The following TNKS2 variants were observed in gnomAD, a reference collection of about 807,000 sequenced individuals.
The protein encoded by TNKS2 is poly [ADP-ribose] polymerase tankyrase-2.
TNKS2 carries 72 observed loss-of-function variants against 137.6 expected under a neutral mutation model. That is an observed-to-expected ratio of 0.52 (90% CI 0.43 to 0.64). The LOEUF (loss-of-function observed/expected upper bound fraction) is 0.64. TNKS2 is among the 30% of genes least tolerant of loss of function. The pLI, the probability that TNKS2 is intolerant of heterozygous loss-of-function variation, is 0.00. For synonymous variants in TNKS2, 516 were observed against 512.1 expected (o/e 1.01, Z -0.10); for missense variants, 1,049 against 1,410.2 (o/e 0.74, Z 4.10).
At chr10:91,807,302 T>G (rs1328349937) in intron 1 of TNKS2, 68 of 1,613,748 alleles carry the variant, frequency 4.2e-5, no homozygotes, top group Non-Finnish European at 8.5e-6. Flanking sequence ...CCAAACAAAC[T>G]AAATCATCTG....
chr10:91,806,906 A>G (rs1165897492), intron 1 of TNKS2, among the ~76,000 whole-genome samples: 1 of 152,212 alleles, frequency 6.6e-6, no homozygotes, highest in Non-Finnish European at 1.5e-5. Context: ...CAGAGAAACA[A>G]TTACATGTTT....
At position 91,848,457 on chromosome 10, in the gene TNKS2, G is replaced by A. The variant is rs1328436588; in HGVS notation, c.2433G>A (p.Val811=). Reference sequence around the variant, plus strand: ...TGCCCTCTTGTTACAAGCCTCAAGTGCTCAATGGTGTGAGAAGCCCAGGAG... The same window carrying A: ...TGCCCTCTTGTTACAAGCCTCAAGTACTCAATGGTGTGAGAAGCCCAGGAG... The part of the protein sequence containing the change: ...SALPSCYKPQ[V]LNGVRSPGAT... The change falls in exon 19 of 27, where the codon GTG becomes GTA. Residue 811 remains valine, a synonymous_variant. Coordinates refer to ENST00000371627, the MANE Select transcript of TNKS2 (RefSeq NM_025235.4). 6.2e-7 allele frequency: 1 copy of A among 1,614,182 alleles called. No homozygotes were observed. Among genetic ancestry groups the A allele is most frequent in the Non-Finnish European group, 8.5e-7 (1 of 1,180,040 alleles).
chr10:91,857,360 G>A, intron 23 of TNKS2, 65 bp from the exon 24 acceptor site: 1 of 1,102,800 alleles, frequency 9.1e-7, no homozygotes, highest in Non-Finnish European at 1.3e-6. Context: ...TCCCATGTTT[G>A]GTTTAGATGA....
intron 8 of TNKS2, among the ~76,000 whole-genome samples, chr10:91,827,459 A>G (rs1004189780): frequency 6.6e-6 from 1 of 152,186 alleles, no homozygotes; most frequent in African/African-American, 2.4e-5. Flanking sequence ...ATTAGATGGT[A>G]TGCCTTTGAA....
chr10:91,807,319 T>A, intron 1 of TNKS2: 1 of 1,614,062 alleles, frequency 6.2e-7, no homozygotes, highest in Non-Finnish European at 8.5e-7. Flanking sequence ...TCTGTTACTT[T>A]AACACACAAG....
In TNKS2 at chr10:91,831,112, T is replaced by A; in HGVS notation, c.1206T>A (p.Thr402=). ...ATTTTTTCTCTCTAAGATTCTTGAC[T>A]CCTCTGCACGTGGCATCTGAGAAAG... ...NINEKTKEFL[T]PLHVASEKAH... The change falls in exon 11 of 27, where the codon ACT becomes ACA. Residue 402 remains threonine, a synonymous_variant. Transcript: ENST00000371627. The A allele has an allele frequency of 6.2e-7, 1 of 1,613,990 alleles. No individual in the cohort carries two copies. The highest frequency in any genetic ancestry group is 8.5e-7 in the Non-Finnish European group (1 of 1,179,928).
At chr10:91,859,684 A>G in intron 25 of TNKS2, 36 bp downstream of exon 25, 1 of 1,577,090 alleles carries the variant, frequency 6.3e-7, no homozygotes, top group East Asian at 2.2e-5. Flanking sequence ...TTTTGGTGGT[A>G]ATCAGATAAG....
rs978726572 is a variant in TNKS2, at chr10:91,851,131, G to A, written c.2695-85G>A. 24 of 1,477,180 alleles carry A rather than the reference G, an allele frequency of 1.6e-5. No homozygotes were observed. The Admixed American group carries it at 3.3e-4, about 20-fold the overall frequency. The allele number at this position is 1,477,180 out of a possible 1,614,324, so 91.5% of individuals were successfully genotyped here. A position where few individuals can be genotyped will look rare whatever the true frequency, so the allele number is the denominator to read the frequency against. ...TTAAAATAATCTGGAGTAAATGTGT[G>A]AATCTTACATATTATGAAAACACCA... On this transcript the variant is annotated intron_variant, in intron 20 of 26. Coordinates refer to ENST00000371627, the MANE Select transcript of TNKS2 (RefSeq NM_025235.4).
At chr10:91,861,504 A>G (rs957752553) in intron 25 of TNKS2, among the ~76,000 whole-genome samples, 5 of 152,220 alleles carry the variant, frequency 3.3e-5, no homozygotes, top group African/African-American at 9.6e-5. Flanking sequence ...AAACAGGAAG[A>G]CTGGTTTAGA....
At chr10:91,807,229 G>A (rs928438342) in intron 1 of TNKS2, 16 of 1,603,996 alleles carry the variant, frequency 1.0e-5, no homozygotes, top group East Asian at 2.2e-5. Flanking sequence ...ACCATAAGTC[G>A]CATTAGTTGA....
intron 1 of TNKS2, among the ~76,000 whole-genome samples, chr10:91,803,235 C>T (rs143633708): frequency 1.1e-4 from 16 of 152,198 alleles, no homozygotes; most frequent in South Asian, 2.1e-4. Flanking sequence ...AAATGAGGCC[C>T]GGGCACAGTG....
At chr10:91,810,931 T>TTTTTTTTTTTTTTG (rs1844481117) in intron 1 of TNKS2, among the ~76,000 whole-genome samples, 1 of 117,870 alleles carries the variant, frequency 8.5e-6, no homozygotes, top group African/African-American at 3.2e-5. Context: ...TTTTTTTTTT[T>TTTTTTTTTTTTTTG]TTTTTTTTTT....
intron 23 of TNKS2, 111 bp downstream of exon 23, chr10:91,855,799 G>A (rs761027279): frequency 2.7e-5 from 17 of 639,230 alleles, no homozygotes; most frequent in Middle Eastern, 3.6e-4. Context: ...TCCTTGACTT[G>A]GCATCAGAGA....
At chr10:91,827,855 C>G (rs536147677) in intron 8 of TNKS2, among the ~76,000 whole-genome samples, 3 of 152,200 alleles carry the variant, frequency 2.0e-5, no homozygotes, top group East Asian at 1.9e-4. Context: ...TGTCTAGTTC[C>G]CAGTTCCCTG....
intron 19 of TNKS2, among the ~76,000 whole-genome samples, chr10:91,849,134 G>A (rs936524212): frequency 2.0e-5 from 3 of 152,122 alleles, no homozygotes; most frequent in African/African-American, 7.2e-5. Flanking sequence ...ACCGCCCCCC[G>A]CCCTTAATCT....
In TNKS2 at chr10:91,864,943, CTG is replaced by C. The variant is rs765852042; in HGVS notation, c.*1948_*1949del. On this transcript the variant is annotated 3_prime_UTR_variant, in exon 27 of 27. Transcript: ENST00000371627. The stretch of plus-strand genomic sequence containing the variant: ...GTCTATGAGTTTACAATACTGCAAA[CTG>C]TGTTATTTTATCTAATCCATTGCTT... 12 of 152,568 alleles carry C rather than the reference CTG, an allele frequency of 7.9e-5. No individual in the cohort carries two copies. Among genetic ancestry groups the C allele is most frequent in the African/African-American group, 1.4e-4 (6 of 41,524 alleles). The allele number at this position is 152,568 out of a possible 1,614,324, so 9.5% of individuals were successfully genotyped here.
intron 16 of TNKS2, among the ~76,000 whole-genome samples, chr10:91,842,746 C>A (rs910606782): frequency 2.7e-4 from 41 of 151,356 alleles, no homozygotes; most frequent in African/African-American, 8.3e-4. Context: ...ACTCCAGAAA[C>A]AAAGTGAGAC....
chr10:91,828,032 A>C (rs12242720), intron 8 of TNKS2, among the ~76,000 whole-genome samples: 2 of 152,094 alleles, frequency 1.3e-5, no homozygotes, highest in African/African-American at 4.8e-5. Flanking sequence ...AAAACAGACC[A>C]TGAATCTGCC....
At chr10:91,799,195 C>T (rs754296040) in intron 1 of TNKS2, among the ~76,000 whole-genome samples, 7 of 152,030 alleles carry the variant, frequency 4.6e-5, no homozygotes, top group Admixed American at 2.6e-4. Context: ...TCTTGTTACC[C>T]TAGAAGGCCT....
Sources: allele counts gnomAD v4.1 joint callset (sites outside exome capture counted in the v4.1 genomes callset), GRCh38; gene constraint gnomAD v4.1.1; transcripts MANE v1.5; gene names NCBI Gene and HGNC (gene_info 2026-07-23, HGNC 2026-07-21).